Variants in GMPS observed in about 807,000 individuals in gnomAD.
GMPS encodes the protein guanosine monophosphate synthase, also known as GMP synthase [glutamine-hydrolyzing].
In GMPS, 15 loss-of-function variants were observed where a neutral mutation model predicts 77.9. The ratio of observed to expected loss-of-function variants is 0.19; its 90% CI spans 0.13 to 0.30. The LOEUF (loss-of-function observed/expected upper bound fraction) is 0.30. Among genes scored for constraint, GMPS ranks in the 10% least tolerant of loss-of-function variants. GMPS has a pLI of 1.00. For synonymous variants in GMPS, 224 were observed against 275.9 expected (o/e 0.81, Z 1.86); for missense variants, 590 against 838.8 (o/e 0.70, Z 3.66).
intron 1 of GMPS, among the ~76,000 whole-genome samples, chr3:155,893,213 G>A (rs1421727556): frequency 3.9e-5 from 6 of 152,262 alleles, no homozygotes; most frequent in South Asian, 4.1e-4. Flanking sequence ...ATATTTTGGC[G>A]CAGCTGGATT....
At chr3:155,921,127 G>A (rs541882876) in intron 10 of GMPS, among the ~76,000 whole-genome samples, 1 of 152,154 alleles carries the variant, frequency 6.6e-6, no homozygotes, top group Admixed American at 6.6e-5. Flanking sequence ...CCTGTACTAG[G>A]TACACTGGTG....
chr3:155,912,987 T>G (rs932282365), intron 7 of GMPS, among the ~76,000 whole-genome samples: 2 of 152,226 alleles, frequency 1.3e-5, no homozygotes, highest in Non-Finnish European at 2.9e-5. Flanking sequence ...GGATGTATTC[T>G]CTAGAGGGGC....
intron 9 of GMPS, among the ~76,000 whole-genome samples, 160 bp from the exon 10 acceptor site, chr3:155,919,073 A>G (rs1755255317): frequency 1.3e-5 from 2 of 152,232 alleles, no homozygotes; most frequent in African/African-American, 2.4e-5. Context: ...CTAATTCCTT[A>G]TAGGCACTTA....
At chr3:155,916,291 C>T (rs1755177977) in intron 9 of GMPS, 99 bp downstream of exon 9, 1 of 765,270 alleles carries the variant, frequency 1.3e-6, no homozygotes, top group East Asian at 2.5e-5. Flanking sequence ...GCATAACCAT[C>T]ACCACATCTA....
chr3:155,926,126 C>T (rs1755448105), intron 12 of GMPS, among the ~76,000 whole-genome samples: 2 of 152,110 alleles, frequency 1.3e-5, no homozygotes, highest in Admixed American at 6.5e-5. Context: ...ACCCTACTAC[C>T]TCAGCTTCCC....
At chr3:155,928,871 A>C (rs1755525127) in intron 12 of GMPS, among the ~76,000 whole-genome samples, 1 of 151,434 alleles carries the variant, frequency 6.6e-6, no homozygotes, top group East Asian at 2.0e-4. Context: ...TGAACTCATC[A>C]TTTTTTATGG....
At chr3:155,887,921 A>G (rs1450601700) in intron 1 of GMPS, among the ~76,000 whole-genome samples, 1 of 152,234 alleles carries the variant, frequency 6.6e-6, no homozygotes, top group Non-Finnish European at 1.5e-5. Flanking sequence ...AAAAAATTTA[A>G]AAATAAAAAG....
At chr3:155,896,415 C>T (rs955586398) in intron 2 of GMPS, among the ~76,000 whole-genome samples, 11 of 152,122 alleles carry the variant, frequency 7.2e-5, no homozygotes, top group African/African-American at 2.2e-4. Context: ...ATCTGAGTAG[C>T]TTGTCTTCCA....
At chr3:155,894,721 G>A (rs1754558860) in intron 2 of GMPS, among the ~76,000 whole-genome samples, 1 of 152,132 alleles carries the variant, frequency 6.6e-6, no homozygotes, top group Admixed American at 6.5e-5. Context: ...GTGGTTAAAA[G>A]AACTTTTAAA....
chr3:155,923,167 A>G (rs1208043410), intron 11 of GMPS, among the ~76,000 whole-genome samples: 2 of 152,188 alleles, frequency 1.3e-5, no homozygotes, highest in Admixed American at 1.3e-4. Context: ...AGAGACTACT[A>G]AAAATAACTG....
chr3:155,919,679 T>A (rs1755268988), intron 10 of GMPS, among the ~76,000 whole-genome samples: 1 of 152,186 alleles, frequency 6.6e-6, no homozygotes, highest in African/African-American at 2.4e-5. Flanking sequence ...TTATATTATT[T>A]GTACCATACC....
At chr3:155,874,095 C>G (rs1398085103) in intron 1 of GMPS, among the ~76,000 whole-genome samples, 1 of 152,196 alleles carries the variant, frequency 6.6e-6, no homozygotes, top group East Asian at 1.9e-4. Flanking sequence ...CCTTTGCATC[C>G]TCACAGCATA....
In GMPS at chr3:155,935,078, C is replaced by G. The variant is rs1473868387; in HGVS notation, c.1807+32C>G. 2.6e-6 allele frequency: 4 copies of G among 1,530,438 alleles called. No individual in the cohort carries two copies. The South Asian group carries it at 4.5e-5, about 17-fold the overall frequency. 94.8% of individuals were successfully genotyped at this position (1,530,438 alleles called of 1,614,324 possible). ...TGCTCATGTTTTTGATTACTACCCT[C>G]TGAAACTAGTTTTTGGAAGCTTGAT... On this transcript the variant is annotated intron_variant, in intron 14 of 15. Coordinates refer to ENST00000496455, the MANE Select transcript of GMPS (RefSeq NM_003875.3).
chr3:155,882,954 C>A (rs1030091927), intron 1 of GMPS, among the ~76,000 whole-genome samples: 1 of 151,980 alleles, frequency 6.6e-6, no homozygotes. Context: ...TAGAAAGGGT[C>A]GTATGTAGAA....
intron 1 of GMPS, among the ~76,000 whole-genome samples, chr3:155,888,815 C>T (rs1474863469): frequency 6.6e-6 from 1 of 151,886 alleles, no homozygotes; most frequent in Non-Finnish European, 1.5e-5. Flanking sequence ...GAACTCCTGA[C>T]CTCAGATGCT....
chr3:155,922,490 C>G (rs566990968), intron 11 of GMPS, among the ~76,000 whole-genome samples, 188 bp downstream of exon 11: 97 of 152,260 alleles, frequency 6.4e-4, no homozygotes, highest in African/African-American at 2.2e-3. Context: ...CCAAACAAGA[C>G]TGGATATCCT....
Position 155,914,719 on chromosome 3 carries a change from A to G in GMPS, c.1038+149A>G, listed in dbSNP as rs183202782. The stretch of plus-strand genomic sequence containing the variant: ...GAGAGTTTTATTGTATATTGTCATT[A>G]TATTGACCAGTAGAAACTGTTTTAT... On this transcript the variant is annotated intron_variant, in intron 8 of 15. Coordinates refer to ENST00000496455, the MANE Select transcript of GMPS (RefSeq NM_003875.3). 3.2e-4 allele frequency: 155 copies of G among 487,568 alleles called. No homozygotes were observed. In the East Asian group the frequency reaches 4.9e-3, roughly 15 times the overall value. The allele number at this position is 487,568 out of a possible 1,614,324, so 30.2% of individuals were successfully genotyped here.
chr3:155,927,084 G>A (rs1755476049), intron 12 of GMPS, among the ~76,000 whole-genome samples: 1 of 151,974 alleles, frequency 6.6e-6, no homozygotes, highest in Non-Finnish European at 1.5e-5. Flanking sequence ...AAGTGATAGA[G>A]CCAGCTATTG....
chr3:155,925,515 C>T, intron 12 of GMPS, 149 bp downstream of exon 12: 1 of 543,582 alleles, frequency 1.8e-6, no homozygotes, highest in Non-Finnish European at 3.3e-6. Flanking sequence ...AGCACTCTTT[C>T]TACTAATCTT....
Sources: allele counts gnomAD v4.1 joint callset (sites outside exome capture counted in the v4.1 genomes callset), GRCh38; gene constraint gnomAD v4.1.1; transcripts MANE v1.5; gene names NCBI Gene and HGNC (gene_info 2026-07-23, HGNC 2026-07-21).